CERS6: variants seen among roughly 807,000 people sequenced by gnomAD.
The protein encoded by CERS6 is LAG1 homolog, ceramide synthase 6.
In CERS6, 26 loss-of-function variants were observed where a neutral mutation model predicts 56.8. The observed-to-expected ratio is 0.46, with a 90% CI of 0.34 to 0.63. The LOEUF (loss-of-function observed/expected upper bound fraction) is 0.63. CERS6 is among the 30% of genes least tolerant of loss of function. The pLI is 0.01. For missense variants in CERS6, 415 were observed against 467.5 expected (o/e 0.89, Z 1.04); for synonymous variants, 164 against 173.3 (o/e 0.95, Z 0.42).
intron 8 of CERS6, among the ~76,000 whole-genome samples, chr2:168,756,184 A>G (rs1025653841): frequency 6.6e-6 from 1 of 152,150 alleles, no homozygotes; most frequent in African/African-American, 2.4e-5. Flanking sequence ...GGCTGGTTTT[A>G]TACTCTTTTA....
At chr2:168,481,518 G>A (rs1262314423) in intron 1 of CERS6, among the ~76,000 whole-genome samples, 1 of 152,130 alleles carries the variant, frequency 6.6e-6, no homozygotes, top group African/African-American at 2.4e-5. Context: ...TGGTCAAGTC[G>A]GATCATTTGC....
chr2:168,641,112 C>A (rs577981806), intron 4 of CERS6, among the ~76,000 whole-genome samples: 1 of 152,216 alleles, frequency 6.6e-6, no homozygotes, highest in South Asian at 2.1e-4. Flanking sequence ...ATGTTGATGT[C>A]ACTATTCCTT....
At chr2:168,727,547 CAAA>C (rs1210219437) in intron 8 of CERS6, among the ~76,000 whole-genome samples, 4 of 87,542 alleles carry the variant, frequency 4.6e-5, no homozygotes, top group African/African-American at 4.2e-5. Flanking sequence ...GACTCCATCT[CAAA>C]AAAAAAAAAA....
Position 168,746,202 on chromosome 2 carries a change from C to T in CERS6, c.846-19390C>T, listed in dbSNP as rs1215597943. On this transcript the variant is annotated intron_variant, in intron 8 of 9. Transcript: ENST00000305747. ...GGCCCATGGAGGCCCCACCCAGCAC[C>T]TTGTAGAAACACAAAGAAGTAGGTT... 2.6e-5 allele frequency among the ~76,000 whole-genome samples: 4 copies of T among 152,270 alleles called. No homozygotes were observed. The East Asian group carries it at 7.7e-4, about 29-fold the overall frequency.
At chr2:168,527,457 T>C (rs1695090493) in intron 1 of CERS6, among the ~76,000 whole-genome samples, 2 of 152,362 alleles carry the variant, frequency 1.3e-5, no homozygotes, top group East Asian at 3.9e-4. Flanking sequence ...TATAATGCCA[T>C]GTGTCCTAGT....
chr2:168,652,190 C>T (rs1185024098), intron 4 of CERS6, among the ~76,000 whole-genome samples: 2 of 152,006 alleles, frequency 1.3e-5, no homozygotes, highest in Admixed American at 6.6e-5. Flanking sequence ...CGAAATCAGT[C>T]ATTAGGGTCA....
chr2:168,685,941 C>G (rs1686338370), intron 4 of CERS6, among the ~76,000 whole-genome samples: 1 of 151,300 alleles, frequency 6.6e-6, no homozygotes, highest in Admixed American at 6.6e-5. Flanking sequence ...TATGGCCTGT[C>G]TTAGTGTTAT....
chr2:168,631,546 A>C lies in CERS6; in HGVS notation c.465+504A>C, dbSNP rs1364280340. Among the ~76,000 whole-genome samples, 2 of 118,996 alleles carry C rather than the reference A, an allele frequency of 1.7e-5. 1 individual carries two copies. The highest frequency in any genetic ancestry group is 3.2e-5 in the Non-Finnish European group (2 of 61,568). The allele number at this position is 118,996 out of a possible 152,430, so 78.1% of individuals were successfully genotyped here. A position where few individuals can be genotyped will look rare whatever the true frequency, so the allele number is the denominator to read the frequency against. Reference sequence around the variant, plus strand: ...TATATAAATACATATTAAATATATTATATTTTTAATATTTATATATTAAAT... The same window carrying C: ...TATATAAATACATATTAAATATATTCTATTTTTAATATTTATATATTAAAT... On this transcript the variant is annotated intron_variant, in intron 4 of 9. Transcript: ENST00000305747.
chr2:168,504,076 G>T (rs768492296), intron 1 of CERS6, among the ~76,000 whole-genome samples: 12 of 152,222 alleles, frequency 7.9e-5, no homozygotes, highest in Non-Finnish European at 1.5e-4. Context: ...GGTGGATCAA[G>T]TGAAGTATGT....
At chr2:168,754,187 A>C (rs1684356772) in intron 8 of CERS6, among the ~76,000 whole-genome samples, 1 of 152,148 alleles carries the variant, frequency 6.6e-6, no homozygotes, top group Non-Finnish European at 1.5e-5. Context: ...GAGAGATGAG[A>C]ACAAGGAAGT....
At chr2:168,762,812 G>C (rs1378039568) in intron 8 of CERS6, among the ~76,000 whole-genome samples, 1 of 152,158 alleles carries the variant, frequency 6.6e-6, no homozygotes, top group Non-Finnish European at 1.5e-5. Context: ...TCTATAAATA[G>C]GAGTTGCAGA....
chr2:168,490,105 T>C (rs1694343421), intron 1 of CERS6, among the ~76,000 whole-genome samples: 1 of 152,268 alleles, frequency 6.6e-6, no homozygotes, highest in Admixed American at 6.5e-5. Context: ...GTCTGTCCCG[T>C]GTGTGCCTCT....
Position 168,769,549 on chromosome 2 carries a change from G to C in CERS6, c.1042G>C (p.Asp348His). 3 of 1,611,904 alleles carry C rather than the reference G, an allele frequency of 1.9e-6. No homozygotes were observed. The highest frequency in any genetic ancestry group is 2.7e-5 in the African/African-American group (2 of 74,948). Residue 348 changes from aspartate (D) to histidine (H), a missense_variant, in exon 10 of 10, where the codon GAT becomes CAT. Transcript: ENST00000305747. ...DDRSDIESSS[D>H]EEDSEPPGKN... ...TCGAAGTGATATTGAGTCTAGCTCAGATGAGGAGGACTCAGAACCTCCGGG... is the reference window on the plus strand; with the variant it reads ...TCGAAGTGATATTGAGTCTAGCTCACATGAGGAGGACTCAGAACCTCCGGG...
intron 3 of CERS6, among the ~76,000 whole-genome samples, chr2:168,562,620 G>A (rs11901933): frequency 0.74 from 111,805 of 152,002 alleles, 44,097 homozygotes; most frequent in South Asian, 0.94. Context: ...GTGGAGTAAA[G>A]AATAACAAGG....
intron 1 of CERS6, among the ~76,000 whole-genome samples, chr2:168,466,974 A>G (rs1390231701): frequency 6.6e-6 from 1 of 152,222 alleles, no homozygotes; most frequent in Non-Finnish European, 1.5e-5. Flanking sequence ...TTTTCAGGTT[A>G]CAAAGCTACT....
chr2:168,513,435 G>A (rs1322662876), intron 1 of CERS6, among the ~76,000 whole-genome samples: 1 of 152,074 alleles, frequency 6.6e-6, no homozygotes, highest in East Asian at 1.9e-4. Flanking sequence ...TGGCTGTGAC[G>A]TGTCTCAAAC....
In CERS6 at chr2:168,753,970, G is replaced by A. The variant is rs559442737; in HGVS notation, c.846-11622G>A. On this transcript the variant is annotated intron_variant, in intron 8 of 9. Transcript: ENST00000305747. ...GCTCCCATCCTCCCTCTCCACCTGTGTGCAAATGGAAGGAGTTGGTGTGGC... is the reference window on the plus strand; with the variant it reads ...GCTCCCATCCTCCCTCTCCACCTGTATGCAAATGGAAGGAGTTGGTGTGGC... 5.3e-4 allele frequency among the ~76,000 whole-genome samples: 81 copies of A among 152,282 alleles called. 2 individuals carry two copies. In the South Asian group the frequency reaches 0.016, roughly 31 times the overall value.
intron 6 of CERS6, among the ~76,000 whole-genome samples, chr2:168,710,697 G>A (rs755850589): frequency 1.3e-5 from 2 of 152,156 alleles, no homozygotes; most frequent in Non-Finnish European, 2.9e-5. Context: ...AGGCATTTTG[G>A]TATTGTCTAA....
intron 3 of CERS6, among the ~76,000 whole-genome samples, chr2:168,609,871 T>C (rs1362724070): frequency 1.3e-5 from 2 of 152,192 alleles, no homozygotes; most frequent in East Asian, 3.9e-4. Context: ...GACTGAGTTC[T>C]CCAGGCTTTT....
Sources: gnomAD v4.1 joint callset for allele counts (sites outside exome capture counted in the v4.1 genomes callset) on GRCh38, gnomAD v4.1.1 for gene constraint, MANE v1.5 for transcripts, NCBI Gene and HGNC (gene_info 2026-07-23, HGNC 2026-07-21) for gene names.